FAM81A: variants seen among roughly 807,000 people sequenced by gnomAD.
The protein encoded by FAM81A is family with sequence similarity 81 member A.
A neutral mutation model predicts 46.7 loss-of-function variants in FAM81A; 19 were observed. The observed-to-expected ratio is 0.41, with a 90% CI of 0.28 to 0.60. The LOEUF is 0.60. Ranked by LOEUF, FAM81A falls within the 20% of genes least tolerant of loss-of-function variation. FAM81A has a pLI of 0.34. For missense variants in FAM81A, 377 were observed against 453.5 expected (o/e 0.83, Z 1.53); for synonymous variants, 183 against 152.9 (o/e 1.20, Z -1.45).
intron 1 of FAM81A, among the ~76,000 whole-genome samples, chr15:59,441,486 T>TG (rs1363307993): frequency 1.3e-5 from 2 of 152,248 alleles, no homozygotes. Flanking sequence ...ATAGGGCCAA[T>TG]GGCTATCGTA....
chr15:59,454,877 TC>T (rs1278800044), intron 1 of FAM81A, among the ~76,000 whole-genome samples: 2 of 151,714 alleles, frequency 1.3e-5, no homozygotes, highest in East Asian at 3.9e-4. Flanking sequence ...GCTCAAGAAA[TC>T]CTCCCACCTT....
chr15:59,514,191 A>T (rs1435058521), intron 6 of FAM81A, 98 bp from the exon 7 acceptor site: 1 of 1,264,448 alleles, frequency 7.9e-7, no homozygotes. Context: ...TTACCTGTGT[A>T]ACAAATCTGT....
intron 2 of FAM81A, among the ~76,000 whole-genome samples, chr15:59,414,983 T>A (rs962054119): frequency 1.3e-5 from 2 of 150,566 alleles, no homozygotes; most frequent in African/African-American, 4.9e-5. Flanking sequence ...GCCTGGCTAA[T>A]TTTTTTGTAT....
At chr15:59,411,788 C>T (rs1490382066) in intron 2 of FAM81A, among the ~76,000 whole-genome samples, 1 of 152,172 alleles carries the variant, frequency 6.6e-6, no homozygotes, top group Non-Finnish European at 1.5e-5. Context: ...TGGCAGGCAC[C>T]TGTAGTCCCA....
chr15:59,441,076 C>T (rs112504781), intron 1 of FAM81A, among the ~76,000 whole-genome samples: 3 of 152,338 alleles, frequency 2.0e-5, no homozygotes, highest in African/African-American at 7.2e-5. Context: ...TCGTCTTTCT[C>T]AAAGGAAGAA....
chr15:59,509,761 T>G (rs1240037226), intron 6 of FAM81A, among the ~76,000 whole-genome samples: 2 of 151,898 alleles, frequency 1.3e-5, no homozygotes, highest in Non-Finnish European at 2.9e-5. Flanking sequence ...GATGAGAATA[T>G]ATGAGGTTGA....
Position 59,516,680 on chromosome 15 carries a change from C to T in FAM81A, c.822C>T (p.Ser274=). ...AAAGGGATATGGAGAAGAAGCTCAG[C>T]CAGATGTCAGCCAGGCTTGACAAAA... ...ASERDMEKKL[S]QMSARLDKIE... is the part of the protein sequence containing the mutation. The change falls in exon 8 of 9, where the codon AGC becomes AGT. Residue 274 remains serine, a synonymous_variant. Coordinates refer to ENST00000288228, the MANE Select transcript of FAM81A (RefSeq NM_152450.3). 4 of 1,613,238 alleles carry T rather than the reference C, an allele frequency of 2.5e-6. No individual in the cohort carries two copies. Among genetic ancestry groups the T allele is most frequent in the Non-Finnish European group, 3.4e-6 (4 of 1,179,630 alleles).
intron 8 of FAM81A, among the ~76,000 whole-genome samples, chr15:59,519,627 CT>C (rs1348079879): frequency 8.0e-6 from 1 of 124,762 alleles, no homozygotes; most frequent in African/African-American, 3.0e-5. Flanking sequence ...CCTTCCTTTT[CT>C]TTTTTTAGAT....
chr15:59,404,173 T>C (rs2081084395), intron 2 of FAM81A, among the ~76,000 whole-genome samples: 1 of 152,112 alleles, frequency 6.6e-6, no homozygotes, highest in Non-Finnish European at 1.5e-5. Flanking sequence ...TGAACCACCA[T>C]GCCCGGCCTG....
chr15:59,514,081 G>C (rs901490687), intron 6 of FAM81A, among the ~76,000 whole-genome samples: 6 of 152,008 alleles, frequency 3.9e-5, no homozygotes, highest in African/African-American at 1.5e-4. Context: ...TGGGGGCATG[G>C]GGGGGGCAAG....
intron 2 of FAM81A, among the ~76,000 whole-genome samples, chr15:59,417,787 ATACTT>A (rs1314557270): frequency 6.6e-6 from 1 of 152,062 alleles, no homozygotes; most frequent in Non-Finnish European, 1.5e-5. Flanking sequence ...TTTTTTTATT[ATACTT>A]TAAAGTTCTA....
intron 2 of FAM81A, among the ~76,000 whole-genome samples, chr15:59,423,395 G>C (rs1350424722): frequency 6.6e-6 from 1 of 152,230 alleles, no homozygotes; most frequent in African/African-American, 2.4e-5. Context: ...ATCGCGCCTG[G>C]TCTGAAATGA....
intron 2 of FAM81A, among the ~76,000 whole-genome samples, chr15:59,427,721 T>C (rs1468765204): frequency 6.6e-6 from 1 of 152,240 alleles, no homozygotes; most frequent in Non-Finnish European, 1.5e-5. Flanking sequence ...TCCATGTTGT[T>C]GTAAATGACA....
At chr15:59,486,679 A>C (rs1393906738) in intron 3 of FAM81A, among the ~76,000 whole-genome samples, 1 of 152,182 alleles carries the variant, frequency 6.6e-6, no homozygotes, top group Non-Finnish European at 1.5e-5. Context: ...AACAAATAAC[A>C]TACAATGGAG....
At chr15:59,415,720 T>A (rs1189724383) in intron 2 of FAM81A, among the ~76,000 whole-genome samples, 2 of 152,222 alleles carry the variant, frequency 1.3e-5, no homozygotes, top group Non-Finnish European at 2.9e-5. Context: ...TTTGTGCTGC[T>A]TTAAGCCACT....
At chr15:59,414,046 C>A (rs1252321099) in intron 2 of FAM81A, among the ~76,000 whole-genome samples, 1 of 152,108 alleles carries the variant, frequency 6.6e-6, no homozygotes, top group Admixed American at 6.5e-5. Flanking sequence ...CTCCATCTCC[C>A]GGGTTCAAGC....
intron 3 of FAM81A, among the ~76,000 whole-genome samples, chr15:59,489,410 C>T (rs1180545613): frequency 2.6e-5 from 4 of 151,804 alleles, no homozygotes; most frequent in African/African-American, 4.8e-5. Context: ...TTGGAGAAGA[C>T]TCATAAAAAT....
At chr15:59,507,127 G>C (rs1009378298) in intron 4 of FAM81A, 86 bp from the exon 5 acceptor site, 1 of 1,484,952 alleles carries the variant, frequency 6.7e-7, no homozygotes, top group Non-Finnish European at 9.0e-7. Context: ...CTTTGAGTGG[G>C]TTTTGCATTT....
intron 4 of FAM81A, among the ~76,000 whole-genome samples, chr15:59,494,322 C>T (rs933371276): frequency 5.3e-5 from 8 of 152,104 alleles, no homozygotes; most frequent in Non-Finnish European, 1.2e-4. Flanking sequence ...TGAGGATCTT[C>T]GTAGCCGCTT....
Sources: gnomAD v4.1 joint callset for allele counts (sites outside exome capture counted in the v4.1 genomes callset) on GRCh38, gnomAD v4.1.1 for gene constraint, MANE v1.5 for transcripts, NCBI Gene and HGNC (gene_info 2026-07-23, HGNC 2026-07-21) for gene names.